Variants in SLC1A7 observed in about 807,000 individuals in gnomAD.
SLC1A7 encodes the protein solute carrier family 1 member 7.
In SLC1A7, 40 loss-of-function variants were observed where a neutral mutation model predicts 47.7. That is an observed-to-expected ratio of 0.84 (90% CI 0.65 to 1.09). The LOEUF (loss-of-function observed/expected upper bound fraction) is 1.09, where lower values mean the gene tolerates loss of function less well. Among genes scored for constraint, SLC1A7 ranks in the 50% least tolerant of loss-of-function variants. The probability of loss-of-function intolerance (pLI) is 0.00; values close to 1 mark genes in which losing one functional copy is unlikely to be tolerated. For synonymous variants in SLC1A7, 323 were observed against 325.6 expected, an observed-to-expected ratio of 0.99 and a Z score of 0.09; for missense variants, 746 against 769.5, an observed-to-expected ratio of 0.97 and a Z score of 0.36.
Position 53,087,850 on chromosome 1 carries a change from G to A in SLC1A7, c.*159C>T, listed in dbSNP as rs11581058. On this transcript the variant is annotated 3_prime_UTR_variant, in exon 11 of 11. Coordinates refer to ENST00000371494, the MANE Select transcript of SLC1A7 (RefSeq NM_006671.6). The stretch of plus-strand genomic sequence containing the variant: ...CCCATGCAGCCTTTCCCTTCTCTGA[G>A]ATACATTTTCCGTCAAGCGGGGTTA... 64,927 of 426,266 alleles carry A rather than the reference G, an allele frequency of 0.15. 5,384 individuals carry two copies. Among genetic ancestry groups the A allele is most frequent in the Middle Eastern group, 0.23 (398 of 1,698 alleles). 26.4% of individuals were successfully genotyped at this position (426,266 alleles called of 1,614,324 possible).
chr1:53,104,555 C>T (rs867584896), intron 4 of SLC1A7, among the ~76,000 whole-genome samples: 3 of 152,236 alleles, frequency 2.0e-5, no homozygotes, highest in East Asian at 1.9e-4. Context: ...AGTAGAGCAA[C>T]ATTCTTTCTC....
chr1:53,107,111 G>A (rs538150885), intron 3 of SLC1A7, among the ~76,000 whole-genome samples: 6 of 131,588 alleles, frequency 4.6e-5, no homozygotes, highest in Non-Finnish European at 7.6e-5. Flanking sequence ...AGCTGAGATC[G>A]CACCACTGCA....
At chr1:53,106,201 C>T (rs1413154067) in intron 3 of SLC1A7, among the ~76,000 whole-genome samples, 1 of 152,066 alleles carries the variant, frequency 6.6e-6, no homozygotes, top group Non-Finnish European at 1.5e-5. Context: ...CATATAGTGG[C>T]CGCCTTGCAG....
chr1:53,097,703 A>G (rs2150319604), intron 5 of SLC1A7, among the ~76,000 whole-genome samples: 1 of 141,558 alleles, frequency 7.1e-6, no homozygotes, highest in African/African-American at 2.7e-5. Context: ...CATACAACCC[A>G]CCACAGTACA....
intron 2 of SLC1A7, among the ~76,000 whole-genome samples, chr1:53,133,668 C>A (rs1315910275): frequency 6.6e-6 from 1 of 152,164 alleles, no homozygotes; most frequent in Non-Finnish European, 1.5e-5. Flanking sequence ...GTTCACCTAG[C>A]ACATCAGTGA....
chr1:53,090,285 C>T (rs113221530), intron 8 of SLC1A7: 3 of 540,782 alleles, frequency 5.5e-6, no homozygotes, highest in African/African-American at 1.9e-5. Flanking sequence ...GCCTGGCCTC[C>T]AGGGTCAGAC....
Position 53,088,948 on chromosome 1 carries a change from C to T in SLC1A7, c.1393G>A (p.Gly465Ser). 6.2e-7 allele frequency: 1 copy of T among 1,614,144 alleles called. No individual in the cohort carries two copies. Among genetic ancestry groups the T allele is most frequent in the South Asian group, 1.1e-5 (1 of 91,076 alleles). Residue 465 changes from glycine (G) to serine (S), a missense_variant, in exon 10 of 11, where the codon GGT becomes AGT. By Grantham distance (56) the Gly-to-Ser change is moderately conservative (BLOSUM62 0). Transcript: ENST00000371494. ...ATGATCCCCGCTGCCAGCGCATCAC[C>T]CAGCACGTTAATCATGGTGCGGAAA... ...DRFRTMINVLGDALAAGIMAH... is the reference protein window; with the variant it reads ...DRFRTMINVLSDALAAGIMAH...
At chr1:53,099,554 C>A (rs1265367635) in intron 5 of SLC1A7, among the ~76,000 whole-genome samples, 1 of 151,410 alleles carries the variant, frequency 6.6e-6, no homozygotes, top group Non-Finnish European at 1.5e-5. Flanking sequence ...AATACCCTCA[C>A]TTTGCCTCGG....
intron 5 of SLC1A7, among the ~76,000 whole-genome samples, chr1:53,095,533 C>CAA (rs1644476147): frequency 6.6e-6 from 1 of 150,926 alleles, no homozygotes; most frequent in African/African-American, 2.5e-5. Context: ...TACACTCACA[C>CAA]CGCCTCGGTA....
chr1:53,095,876 G>T (rs1644482120), intron 5 of SLC1A7, among the ~76,000 whole-genome samples: 1 of 134,986 alleles, frequency 7.4e-6, no homozygotes, highest in Admixed American at 7.5e-5. Context: ...ACACCACCTT[G>T]GTACATTCAC....
At chr1:53,115,167 G>A (rs11587058) in intron 2 of SLC1A7, 194 bp from the exon 3 acceptor site, 43,677 of 607,744 alleles carry the variant, frequency 0.072, 3,974 homozygotes, top group African/African-American at 0.35. Context: ...GCCCCGGGGC[G>A]CAGGCCACAC....
chr1:53,102,582 T>A (rs2150324496), intron 5 of SLC1A7: 1 of 152,526 alleles, frequency 6.6e-6, no homozygotes, highest in Non-Finnish European at 1.5e-5. Context: ...ACGGGGCTTT[T>A]CAGCCGGCAC....
rs1644378004 is a variant in SLC1A7, at chr1:53,088,007, G to C, written c.*2C>G. ...CTCGCCTGCCCCTGCAGCTCCGCAG[G>C]CTCAGACATTGGTCTCCAGCTCACT... On this transcript the variant is annotated 3_prime_UTR_variant, in exon 11 of 11. Coordinates refer to ENST00000371494, the MANE Select transcript of SLC1A7 (RefSeq NM_006671.6). The C allele has an allele frequency of 1.3e-6, 2 of 1,492,662 alleles. No individual in the cohort carries two copies. Among genetic ancestry groups the C allele is most frequent in the Admixed American group, 2.0e-5 (1 of 50,370 alleles). The allele number at this position is 1,492,662 out of a possible 1,614,324, so 92.5% of individuals were successfully genotyped here. A position where few individuals can be genotyped will look rare whatever the true frequency, so the allele number is the denominator to read the frequency against.
Position 53,092,836 on chromosome 1 carries a change from C to T in SLC1A7, c.798-49G>A, listed in dbSNP as rs573127182. The T allele has an allele frequency of 8.8e-5, 110 of 1,251,920 alleles. No individual in the cohort carries two copies. The South Asian group carries it at 1.0e-3, about 11-fold the overall frequency. The allele number at this position is 1,251,920 out of a possible 1,614,324, so 77.6% of individuals were successfully genotyped here. A position where few individuals can be genotyped will look rare whatever the true frequency, so the allele number is the denominator to read the frequency against. ...CTCAGGAACCAGGCAGGCAGACACA[C>T]CCCGGCCCCAGCCCCGCATCGCTGC... On this transcript the variant is annotated intron_variant, in intron 6 of 10. Coordinates refer to ENST00000371494, the MANE Select transcript of SLC1A7 (RefSeq NM_006671.6).
At chr1:53,132,738 T>G (rs1322622162) in intron 2 of SLC1A7, among the ~76,000 whole-genome samples, 1 of 151,832 alleles carries the variant, frequency 6.6e-6, no homozygotes, top group Non-Finnish European at 1.5e-5. Flanking sequence ...CCCAGCTACT[T>G]GGGGGGCTGA....
At chr1:53,104,447 G>A (rs1246504996) in intron 4 of SLC1A7, among the ~76,000 whole-genome samples, 1 of 152,198 alleles carries the variant, frequency 6.6e-6, no homozygotes, top group Admixed American at 6.5e-5. Context: ...CTAATTGGCT[G>A]AAAGAGTTAG....
intron 3 of SLC1A7, among the ~76,000 whole-genome samples, chr1:53,113,390 C>A (rs1644720477): frequency 6.6e-6 from 1 of 152,082 alleles, no homozygotes; most frequent in African/African-American, 2.4e-5. Context: ...GATTCTCATC[C>A]ACTGGCCAAC....
At chr1:53,134,040 A>G in intron 2 of SLC1A7, among the ~76,000 whole-genome samples, 1 of 152,162 alleles carries the variant, frequency 6.6e-6, no homozygotes, top group East Asian at 1.9e-4. Context: ...CATTACCATG[A>G]ACAGCCCCTC....
intron 2 of SLC1A7, among the ~76,000 whole-genome samples, chr1:53,120,510 G>C (rs144807510): frequency 1.6e-3 from 239 of 152,138 alleles, no homozygotes; most frequent in African/African-American, 5.6e-3. Flanking sequence ...TCTCCTCCTC[G>C]TCCACTCTGC....
Sources: allele counts gnomAD v4.1 joint callset (sites outside exome capture counted in the v4.1 genomes callset), GRCh38; gene constraint gnomAD v4.1.1; transcripts MANE v1.5; gene names NCBI Gene and HGNC (gene_info 2026-07-23, HGNC 2026-07-21).